Variants in SMOX observed in about 807,000 individuals in gnomAD.
SMOX encodes the protein spermine oxidase, also known as flavin containing amine oxidase.
In SMOX, 22 loss-of-function variants were observed where a neutral mutation model predicts 51.0. The observed-to-expected ratio is 0.43, with a 90% CI of 0.31 to 0.62. The LOEUF is 0.62. Among genes scored for constraint, SMOX ranks in the 20% least tolerant of loss-of-function variants. The probability of loss-of-function intolerance (pLI) is 0.10; values close to 1 mark genes in which losing one functional copy is unlikely to be tolerated. For missense variants in SMOX, 566 were observed against 777.7 expected (o/e 0.73, Z 3.24); for synonymous variants, 282 against 307.8 (o/e 0.92, Z 0.88).
chr20:4,182,775 G>A lies in SMOX; in HGVS notation c.1296G>A (p.Glu432=), dbSNP rs759031578. The A allele has an allele frequency of 1.7e-5, 28 of 1,613,896 alleles. No homozygotes were observed. The South Asian group carries it at 3.0e-4, about 17-fold the overall frequency. The change falls in exon 5 of 7, where the codon GAG becomes GAA. Residue 432 remains glutamate, a synonymous_variant. Transcript: ENST00000305958. The surrounding 1 kb of genome is among the most constrained non-coding windows in gnomAD (Gnocchi z 8.4). ...TGAGCGGCTGGATCTGCGGGGAGGA[G>A]GCCCTCGTCATGGAGAAGTGTGATG... ...HVLSGWICGE[E]ALVMEKCDDE...
intron 1 of SMOX, among the ~76,000 whole-genome samples, chr20:4,164,909 A>G (rs771747867): frequency 1.3e-5 from 2 of 152,014 alleles, no homozygotes; most frequent in South Asian, 4.2e-4. Flanking sequence ...TTCTTTAGAG[A>G]CAAGGTCGCC....
At chr20:4,184,431 G>C (rs1166200901) in intron 6 of SMOX, among the ~76,000 whole-genome samples, 1 of 151,204 alleles carries the variant, frequency 6.6e-6, no homozygotes, top group Non-Finnish European at 1.5e-5. Context: ...CAATGGAAAT[G>C]TTTTCCCAAT....
At chr20:4,163,200 TA>T (rs11475945) in intron 1 of SMOX, among the ~76,000 whole-genome samples, 66,500 of 144,488 alleles carry the variant, frequency 0.46, 16,121 homozygotes, top group Non-Finnish European at 0.56. Context: ...TGTAGGTCCC[TA>T]AAAAAAAAAA....
chr20:4,158,851 G>C (rs1986165560), intron 1 of SMOX, among the ~76,000 whole-genome samples: 1 of 152,094 alleles, frequency 6.6e-6, no homozygotes, highest in African/African-American at 2.4e-5. Flanking sequence ...ATCCTGGCGG[G>C]TGGTGGTGAT....
chr20:4,154,364 G>A (rs190686661), intron 1 of SMOX, among the ~76,000 whole-genome samples: 1 of 144,570 alleles, frequency 6.9e-6, no homozygotes, highest in Non-Finnish European at 1.5e-5. Flanking sequence ...CTGTGACTCC[G>A]CATTTCTTTC....
At chr20:4,156,602 T>C (rs1486260371) in intron 1 of SMOX, among the ~76,000 whole-genome samples, 1 of 152,170 alleles carries the variant, frequency 6.6e-6, no homozygotes, top group Non-Finnish European at 1.5e-5. Flanking sequence ...CATCCTTCCT[T>C]TTCTCCCTGG....
intron 3 of SMOX, among the ~76,000 whole-genome samples, chr20:4,178,144 C>T (rs553928473): frequency 2.0e-5 from 3 of 152,182 alleles, no homozygotes; most frequent in Non-Finnish European, 4.4e-5. Context: ...CTGGTTCAAG[C>T]GATTCTCCTG....
rs1482274560 is a variant in SMOX, at chr20:4,183,818, C to T, written c.1530+164C>T. Among the ~76,000 whole-genome samples, 2 of 152,006 alleles carry T rather than the reference C, an allele frequency of 1.3e-5. No individual in the cohort carries two copies. Among genetic ancestry groups the T allele is most frequent in the South Asian group, 2.1e-4 (1 of 4,814 alleles). ...GAGAGAACACAAGGAAAAAAGTGTG[C>T]ACTTAATATCTGGAAGAAAAAATGG... On this transcript the variant is annotated intron_variant, in intron 6 of 6. Coordinates refer to ENST00000305958, the MANE Select transcript of SMOX (RefSeq NM_175839.3). This position sits in a 1 kb window ranked among gnomAD's most constrained non-coding sequence, Gnocchi z 4.3.
intron 1 of SMOX, among the ~76,000 whole-genome samples, chr20:4,152,919 T>C (rs1027434910): frequency 5.9e-5 from 9 of 152,176 alleles, no homozygotes; most frequent in African/African-American, 2.2e-4. Flanking sequence ...AGAGTAAGGA[T>C]TGAATCCAAA....
intron 3 of SMOX, among the ~76,000 whole-genome samples, chr20:4,179,836 G>A (rs906862163): frequency 6.6e-6 from 1 of 152,140 alleles, no homozygotes; most frequent in Admixed American, 6.5e-5. Context: ...TGAGAATTGG[G>A]GTGAGTATTA....
At chr20:4,165,255 C>T (rs1986520918) in intron 1 of SMOX, among the ~76,000 whole-genome samples, 2 of 152,066 alleles carry the variant, frequency 1.3e-5, no homozygotes, top group Non-Finnish European at 2.9e-5. Context: ...GGGTTTTCAC[C>T]ATGTTGGCCA....
intron 1 of SMOX, among the ~76,000 whole-genome samples, chr20:4,151,741 G>C (rs1985778058): frequency 6.6e-6 from 1 of 152,142 alleles, no homozygotes; most frequent in Admixed American, 6.5e-5. Context: ...CGTAGCACCT[G>C]ACTTATTTTC....
chr20:4,182,881 A>C lies in SMOX; in HGVS notation c.1369+33A>C, dbSNP rs1264384723. On this transcript the variant is annotated intron_variant, in intron 5 of 6. Coordinates refer to ENST00000305958, the MANE Select transcript of SMOX (RefSeq NM_175839.3). The surrounding 1 kb of genome is among the most constrained non-coding windows in gnomAD (Gnocchi z 8.4). Reference sequence around the variant, plus strand: ...ACGTGCCCCACGACCCGCTTCCCCCACCCTGCTTCTTCCTCACCTGCCCTC... The same window carrying C: ...ACGTGCCCCACGACCCGCTTCCCCCCCCCTGCTTCTTCCTCACCTGCCCTC... 6.3e-7 allele frequency: 1 copy of C among 1,577,186 alleles called. No homozygotes were observed. Among genetic ancestry groups the C allele is most frequent in the African/African-American group, 1.3e-5 (1 of 74,594 alleles).
Position 4,182,725 on chromosome 20 carries a change from C to T in SMOX, c.1246C>T (p.Pro416Ser), listed in dbSNP as rs770732127. The T allele has an allele frequency of 1.2e-6, 2 of 1,614,200 alleles. No homozygotes were observed. The highest frequency in any genetic ancestry group is 1.7e-5 in the Admixed American group (1 of 60,028). Residue 416 changes from proline (P) to serine (S), a missense_variant, in exon 5 of 7, where the codon CCG becomes TCG. Around this residue, in one of 3 missense-constraint regions of SMOX, gnomAD observed 347 missense variants for 481.8 expected, o/e 0.72. Transcript: ENST00000305958. This position sits in a 1 kb window ranked among gnomAD's most constrained non-coding sequence, Gnocchi z 8.4. The stretch of plus-strand genomic sequence containing the variant: ...GATCTGCGGCTTTGATGTCCTCTAC[C>T]CGCCTGAGCGCTACGGCCATGTGCT... ...RKICGFDVLYPPERYGHVLSG... is the reference protein window; with the variant it reads ...RKICGFDVLYSPERYGHVLSG...
chr20:4,154,196 C>T (rs2122369231), intron 1 of SMOX, among the ~76,000 whole-genome samples: 1 of 152,240 alleles, frequency 6.6e-6, no homozygotes, highest in East Asian at 1.9e-4. Flanking sequence ...TCAGTAGACC[C>T]TGGGGAGCCT....
rs78744871 is a variant in SMOX at position 4,157,651 on chromosome 20, T to A, written c.-27+8674T>A. 4.9e-4 allele frequency among the ~76,000 whole-genome samples: 75 copies of A among 152,108 alleles called. 2 individuals carry two copies. The East Asian group carries it at 0.014, about 29-fold the overall frequency. On this transcript the variant is annotated intron_variant, in intron 1 of 6. Coordinates refer to ENST00000305958, the MANE Select transcript of SMOX (RefSeq NM_175839.3). The stretch of plus-strand genomic sequence containing the variant: ...GGTTTTGAGCAGGGCAGTGATGTGA[T>A]CAGAGCAGTGCATTAGTGAGACATG...
At chr20:4,155,320 G>GCTGATGGTTACGTGAGCTGCTGTCA (rs1985961876) in intron 1 of SMOX, among the ~76,000 whole-genome samples, 1 of 152,114 alleles carries the variant, frequency 6.6e-6, no homozygotes, top group Non-Finnish European at 1.5e-5. Flanking sequence ...TGTTGCTGCC[G>GCTGATGGTTACGTGAGCTGCTGTCA]CTGATGGTTA....
chr20:4,172,820 G>C lies in SMOX; in HGVS notation c.-26-2210G>C, dbSNP rs1015007512. On this transcript the variant is annotated intron_variant, in intron 1 of 6. Coordinates refer to ENST00000305958, the MANE Select transcript of SMOX (RefSeq NM_175839.3). The surrounding 1 kb of genome is among the most constrained non-coding windows in gnomAD (Gnocchi z 7.7). ...GGGTGGGTGGGTGGGAGGGGGGGTG[G>C]TGGAGGGAGGATTCCCGTCCAGGCC... is the stretch of plus-strand genomic sequence containing the variant. Among the ~76,000 whole-genome samples, 22 of 147,068 alleles carry C rather than the reference G, an allele frequency of 1.5e-4. No homozygotes were observed. Among genetic ancestry groups the C allele is most frequent in the African/African-American group, 5.3e-4 (21 of 39,600 alleles).
Position 4,153,787 on chromosome 20 carries a change from C to T in SMOX, c.-27+4810C>T, listed in dbSNP as rs117561611. On this transcript the variant is annotated intron_variant, in intron 1 of 6. Coordinates refer to ENST00000305958, the MANE Select transcript of SMOX (RefSeq NM_175839.3). This position sits in a 1 kb window ranked among gnomAD's most constrained non-coding sequence, Gnocchi z 4.4. ...GCAGGGGAGCATGGGGGAGGCCTGT[C>T]CACGGTGCCCAAGTCCTTGTCTGCT... 8.7e-4 allele frequency among the ~76,000 whole-genome samples: 132 copies of T among 152,218 alleles called. No individual in the cohort carries two copies. Among genetic ancestry groups the T allele is most frequent in the Admixed American group, 1.8e-3 (28 of 15,288 alleles).
Sources: gnomAD v4.1 joint callset for allele counts (sites outside exome capture counted in the v4.1 genomes callset) on GRCh38, gnomAD v4.1.1 for gene constraint, gnomAD v4.1.1 regional missense constraint, Gnocchi (gnomAD v3.1) non-coding constraint, MANE v1.5 for transcripts, NCBI Gene and HGNC (gene_info 2026-07-23, HGNC 2026-07-21) for gene names.